COL5A2: variants seen among roughly 807,000 people sequenced by gnomAD.
The protein encoded by COL5A2 is collagen alpha-2(V) chain.
In COL5A2, 23 loss-of-function variants were observed where a neutral mutation model predicts 208.2. The ratio of observed to expected loss-of-function variants is 0.11; its 90% CI spans 0.08 to 0.16. The LOEUF (loss-of-function observed/expected upper bound fraction) is 0.16. Ranked by LOEUF, COL5A2 falls within the 10% of genes least tolerant of loss-of-function variation. The pLI is 1.00. For missense variants in COL5A2, 1,590 were observed against 1,956.4 expected (o/e 0.81, Z 3.53); for synonymous variants, 625 against 628.5 (o/e 0.99, Z 0.08).
At chr2:189,291,042 T>A in the COL5A2 span, among the ~76,000 whole-genome samples, 1 of 152,102 alleles carries the variant, frequency 6.6e-6, no homozygotes, top group Admixed American at 6.6e-5. Context: ...TGTCAAGAAG[T>A]TATAACATTA....
rs79111113 is a variant in COL5A2 at position 189,045,700 on chromosome 2, G to A, written c.3309+100C>T. The A allele has an allele frequency of 7.8e-3, 7,063 of 909,360 alleles. 60 individuals are homozygous for A. Among genetic ancestry groups the A allele is most frequent in the Non-Finnish European group, 7.0e-3 (3,823 of 546,390 alleles). The allele number at this position is 909,360 out of a possible 1,614,324, so 56.3% of individuals were successfully genotyped here. On this transcript the variant is annotated intron_variant, in intron 46 of 53. Coordinates refer to ENST00000374866, the MANE Select transcript of COL5A2 (RefSeq NM_000393.5). ...CCATTCATTATTTAGAGTCCTTAAC[G>A]AAGTGCACATGTATGACTATGTGTG...
At chr2:189,211,220 A>G (rs988977559) in intron 1 of COL5A2, among the ~76,000 whole-genome samples, 1 of 152,220 alleles carries the variant, frequency 6.6e-6, no homozygotes, top group African/African-American at 2.4e-5. Flanking sequence ...ACTGTTCGGT[A>G]TCATTTCAAA....
At chr2:189,060,634 G>A (rs1435401276) in intron 31 of COL5A2, 96 bp downstream of exon 31, 3 of 1,005,514 alleles carry the variant, frequency 3.0e-6, no homozygotes, top group Non-Finnish European at 4.7e-6. Context: ...AAGAGATAAT[G>A]TATGTAAAGG....
chr2:189,346,202 A>G, the COL5A2 span, among the ~76,000 whole-genome samples: 1 of 152,180 alleles, frequency 6.6e-6, no homozygotes, highest in African/African-American at 2.4e-5. Flanking sequence ...ATTGGGGTCC[A>G]CCTCAGGTTT....
Position 189,041,678 on chromosome 2 carries a change from C to A in COL5A2, c.3541G>T (p.Val1181Phe). Residue 1181 changes from valine (V) to phenylalanine (F), a missense_variant, in exon 50 of 54, where the codon GTT (valine) becomes TTT (phenylalanine). Val to Phe is a conservative substitution (Grantham distance 50, BLOSUM62 -1). Transcript: ENST00000374866. ...PFGPRGPPGP[V>F]GPSGKEGNPG... The stretch of plus-strand genomic sequence containing the variant: ...TTTCCTTCTTTACCTGAAGGACCAA[C>A]TGGGCCTGGAGGACCCTGCAAGAAA... 1.2e-6 allele frequency: 2 copies of A among 1,613,982 alleles called. No homozygotes were observed. The highest frequency in any genetic ancestry group is 1.3e-5 in the African/African-American group (1 of 75,050).
chr2:189,067,318 C>T (rs1686176608), intron 21 of COL5A2, among the ~76,000 whole-genome samples: 1 of 152,044 alleles, frequency 6.6e-6, no homozygotes, highest in South Asian at 2.1e-4. Flanking sequence ...AACTGGATTG[C>T]AAAATTCAGA....
chr2:189,292,517 TG>T, the COL5A2 span, among the ~76,000 whole-genome samples: 2 of 152,168 alleles, frequency 1.3e-5, no homozygotes, highest in African/African-American at 2.4e-5. Context: ...TCACCATCAC[TG>T]GCCATCAGAG....
chr2:189,197,152 G>A (rs1416611876), intron 1 of COL5A2, among the ~76,000 whole-genome samples: 1 of 152,132 alleles, frequency 6.6e-6, no homozygotes, highest in Non-Finnish European at 1.5e-5. Context: ...GGATGAAGCT[G>A]GAAGCCATTA....
chr2:189,085,868 G>A, intron 9 of COL5A2, 96 bp from the exon 10 acceptor site: 2 of 997,470 alleles, frequency 2.0e-6, no homozygotes, highest in Non-Finnish European at 3.1e-6. Context: ...TTAGACAGTT[G>A]GCTCTGCCAT....
chr2:189,330,550 A>G, the COL5A2 span, among the ~76,000 whole-genome samples: 1 of 152,220 alleles, frequency 6.6e-6, no homozygotes, highest in Non-Finnish European at 1.5e-5. Context: ...ATTCTTCAGT[A>G]TCTCAAAATA....
chr2:189,231,941 A>T, the COL5A2 span, among the ~76,000 whole-genome samples: 1 of 151,648 alleles, frequency 6.6e-6, no homozygotes, highest in Non-Finnish European at 1.5e-5. Context: ...AGAGGGTGAC[A>T]CAGCAAGAGA....
the COL5A2 span, among the ~76,000 whole-genome samples, chr2:189,351,396 C>A: frequency 6.6e-5 from 10 of 152,204 alleles, no homozygotes; most frequent in East Asian, 1.9e-3. Context: ...AGTAGGAAAC[C>A]AGTATATTTT....
intron 1 of COL5A2, among the ~76,000 whole-genome samples, chr2:189,154,388 A>G (rs1384032239): frequency 6.6e-6 from 1 of 152,192 alleles, no homozygotes; most frequent in East Asian, 1.9e-4. Context: ...TCGCTAGGAG[A>G]ATCATAATTC....
chr2:189,359,530 G>T, the COL5A2 span, among the ~76,000 whole-genome samples: 1 of 152,010 alleles, frequency 6.6e-6, no homozygotes, highest in Non-Finnish European at 1.5e-5. Context: ...TGTAGCTTTC[G>T]TTTTTGGTGC....
intron 35 of COL5A2, among the ~76,000 whole-genome samples, chr2:189,054,682 G>GT (rs149548788): frequency 8.5e-6 from 1 of 118,334 alleles, no homozygotes; most frequent in Non-Finnish European, 1.8e-5. Context: ...CATTTTAGGT[G>GT]TTTTTTCCTT....
the COL5A2 span, among the ~76,000 whole-genome samples, chr2:189,318,770 T>C: frequency 1.3e-5 from 2 of 152,162 alleles, no homozygotes; most frequent in East Asian, 3.9e-4. Context: ...GGGGAGGAAA[T>C]AGAAGAAGAG....
chr2:189,091,138 C>A (rs1238142792), intron 7 of COL5A2, among the ~76,000 whole-genome samples: 4 of 152,170 alleles, frequency 2.6e-5, no homozygotes, highest in Non-Finnish European at 5.9e-5. Flanking sequence ...TTCCAACCTT[C>A]ATGAATGAAT....
the COL5A2 span, among the ~76,000 whole-genome samples, chr2:189,268,162 A>C: frequency 6.6e-6 from 1 of 152,132 alleles, no homozygotes; most frequent in Non-Finnish European, 1.5e-5. Context: ...ATAAATTTTA[A>C]AAGGAAGTTC....
intron 48 of COL5A2, 71 bp from the exon 49 acceptor site, chr2:189,042,844 G>C: frequency 7.0e-7 from 1 of 1,424,076 alleles, no homozygotes; most frequent in Non-Finnish European, 9.7e-7. Context: ...TCAAAAATGT[G>C]CTATCATTGA....
Sources: allele counts gnomAD v4.1 joint callset (sites outside exome capture counted in the v4.1 genomes callset), GRCh38; gene constraint gnomAD v4.1.1; transcripts MANE v1.5; gene names NCBI Gene and HGNC (gene_info 2026-07-23, HGNC 2026-07-21).